Variants in TTLL9 observed in about 807,000 individuals in gnomAD.
The protein encoded by TTLL9 is probable tubulin polyglutamylase TTLL9.
In TTLL9, 47 loss-of-function variants were observed where a neutral mutation model predicts 65.6. That is an observed-to-expected ratio of 0.72 (90% CI 0.57 to 0.91). TTLL9 has a LOEUF of 0.91. TTLL9 is among the 40% of genes least tolerant of loss of function. The pLI, the probability that TTLL9 is intolerant of heterozygous loss-of-function variation, is 0.00. For missense variants in TTLL9, 537 were observed against 568.8 expected (o/e 0.94, Z 0.57); for synonymous variants, 179 against 204.8 (o/e 0.87, Z 1.07).
At chr20:31,890,205 T>TTCTTTC (rs1568754246) in intron 3 of TTLL9, among the ~76,000 whole-genome samples, 2 of 117,796 alleles carry the variant, frequency 1.7e-5, no homozygotes, top group African/African-American at 6.6e-5. Context: ...TTCTTTCTCT[T>TTCTTTC]TCTTTCATCA....
Position 31,943,323 on chromosome 20 carries a change from CAGG to C in TTLL9, c.*305_*307del. On this transcript the variant is annotated 3_prime_UTR_variant, in exon 15 of 15. Transcript: ENST00000535842. ...CAAATACAGCAAGTTCTGCTACCCC[CAGG>C]AGATCATATCTAATAAATGAGCACA... is the stretch of plus-strand genomic sequence containing the variant. The C allele has an allele frequency of 2.2e-6, 1 of 453,200 alleles. No homozygotes were observed. The allele number at this position is 453,200 out of a possible 1,614,324, so 28.1% of individuals were successfully genotyped here.
intron 4 of TTLL9, 87 bp downstream of exon 4, chr20:31,898,652 T>A: frequency 8.1e-7 from 1 of 1,228,146 alleles, no homozygotes; most frequent in Non-Finnish European, 1.2e-6. Flanking sequence ...TTCCCCTGGG[T>A]GGCCACTGGG....
intron 3 of TTLL9, among the ~76,000 whole-genome samples, chr20:31,891,198 G>T (rs142002102): frequency 6.0e-4 from 91 of 152,254 alleles, no homozygotes; most frequent in African/African-American, 1.8e-3. Context: ...TTCCATTGTT[G>T]CCAAAACTTG....
Position 31,934,687 on chromosome 20 carries a change from C to A in TTLL9, c.808-5C>A. The stretch of plus-strand genomic sequence containing the variant: ...CCTCTCTCGACCCGGCTGCCCGGGG[C>A]CCAGGGCTGCAAGTGGACGCTGCAG... On this transcript the variant is annotated splice_polypyrimidine_tract_variant and splice_region_variant and intron_variant, in intron 11 of 14. Transcript: ENST00000535842. 6.2e-7 allele frequency: 1 copy of A among 1,607,474 alleles called. No homozygotes were observed. Among genetic ancestry groups the A allele is most frequent in the Non-Finnish European group, 8.5e-7 (1 of 1,177,506 alleles).
intron 3 of TTLL9, among the ~76,000 whole-genome samples, chr20:31,889,395 G>T (rs1474281277): frequency 6.6e-6 from 1 of 151,796 alleles, no homozygotes. Context: ...TGAGTAGCTG[G>T]GACTACAGGC....
intron 9 of TTLL9, 164 bp from the exon 10 acceptor site, chr20:31,925,885 C>T (rs753288382): frequency 1.9e-5 from 30 of 1,551,754 alleles, no homozygotes; most frequent in Middle Eastern, 1.7e-4. Flanking sequence ...CATCCCGCTG[C>T]GGGCCTGGCT....
At chr20:31,886,541 T>G (rs2063190477) in intron 2 of TTLL9, among the ~76,000 whole-genome samples, 1 of 150,566 alleles carries the variant, frequency 6.6e-6, no homozygotes, top group African/African-American at 2.4e-5. Context: ...CCAGATCAGC[T>G]GGGTACGGTG....
At position 31,937,661 on chromosome 20, in the gene TTLL9, G is replaced by A. The variant is rs1006189407; in HGVS notation, c.1118+152G>A. 3 of 617,956 alleles carry A rather than the reference G, an allele frequency of 4.9e-6. No homozygotes were observed. In the African/African-American group the frequency reaches 5.6e-5, roughly 12 times the overall value. 38.3% of individuals were successfully genotyped at this position (617,956 alleles called of 1,614,324 possible). A position where few individuals can be genotyped will look rare whatever the true frequency, so the allele number is the denominator to read the frequency against. ...ACTTTATAGATGGAGAAGCTGAGAT[G>A]TCCACAGAGGGTGGGGTCCTGACCC... On this transcript the variant is annotated intron_variant, in intron 13 of 14. Transcript: ENST00000535842.
chr20:31,928,189 A>G (rs2123595818), intron 10 of TTLL9, among the ~76,000 whole-genome samples: 1 of 152,120 alleles, frequency 6.6e-6, no homozygotes, highest in African/African-American at 2.4e-5. Context: ...CATCATGGGG[A>G]CTTTTTAAAC....
Position 31,939,205 on chromosome 20 carries a change from CAG to C in TTLL9, c.1187_1188del (p.Glu396GlyfsTer5). The C allele has an allele frequency of 2.5e-6, 4 of 1,612,538 alleles. No individual in the cohort carries two copies. The highest frequency in any genetic ancestry group is 3.4e-6 in the Non-Finnish European group (4 of 1,179,324). ...TCATGTGGAATGATGGCCCTGTTAG[CAG>C]AGAGGAGGGGGCTCCTGACCTGTCG... is the stretch of plus-strand genomic sequence containing the variant. ...DLMWNDGPVS[R>X]EEGAPDLSGM... On this transcript the variant is annotated frameshift_variant, in exon 14 of 15. Transcript: ENST00000535842. LOFTEE classifies it high-confidence loss of function.
At chr20:31,879,469 C>T (rs1568731992) in intron 2 of TTLL9, 4 of 190,986 alleles carry the variant, frequency 2.1e-5, no homozygotes, top group Admixed American at 5.7e-5. Context: ...TACCGACTGA[C>T]CAACTGACCA....
At position 31,909,878 on chromosome 20, in the gene TTLL9, G is replaced by A; in HGVS notation, c.460G>A (p.Glu154Lys). Reference protein sequence around the residue: ...EMPCEYHLFVEEFRKNPGITW... With the variant: ...EMPCEYHLFVKEFRKNPGITW... ...GCCTTGCGAGTACCACCTGTTTGTA[G>A]AGGAGTTTCGCAAAAACCCAGGAAT... Residue 154 changes from glutamate to lysine, a missense_variant, in exon 6 of 15, where the codon GAG becomes AAG. This residue lies in a region of TTLL9 where 320 missense variants were observed against 311.0 expected (regional missense o/e 1.03). Coordinates refer to ENST00000535842, the MANE Select transcript of TTLL9 (RefSeq NM_001008409.5). 3 of 1,613,544 alleles carry A rather than the reference G, an allele frequency of 1.9e-6. No individual in the cohort carries two copies. Among genetic ancestry groups the A allele is most frequent in the South Asian group, 1.1e-5 (1 of 91,078 alleles).
chr20:31,899,352 A>G (rs1351394563), intron 4 of TTLL9, among the ~76,000 whole-genome samples: 1 of 152,252 alleles, frequency 6.6e-6, no homozygotes, highest in Non-Finnish European at 1.5e-5. Flanking sequence ...GGCATAGGCC[A>G]GGTGCAGTGG....
chr20:31,941,226 G>GAAAAAA (rs138767749), intron 14 of TTLL9: 219 of 107,416 alleles, frequency 2.0e-3, no homozygotes, highest in East Asian at 4.6e-3. Flanking sequence ...CACAGAAAAA[G>GAAAAAA]AAAAAAAAAA....
chr20:31,930,214 T>C (rs1057067829), intron 10 of TTLL9, among the ~76,000 whole-genome samples: 1 of 152,152 alleles, frequency 6.6e-6, no homozygotes, highest in African/African-American at 2.4e-5. Flanking sequence ...GGGACAATTG[T>C]TTTAAACAGC....
chr20:31,942,351 G>T (rs1314038829), intron 14 of TTLL9, among the ~76,000 whole-genome samples: 1 of 152,216 alleles, frequency 6.6e-6, no homozygotes, highest in Non-Finnish European at 1.5e-5. Flanking sequence ...GGCAGCCTCA[G>T]CACGAACTGC....
intron 10 of TTLL9, among the ~76,000 whole-genome samples, chr20:31,928,770 AT>A (rs1244983617): frequency 6.6e-6 from 1 of 152,220 alleles, no homozygotes; most frequent in African/African-American, 2.4e-5. Context: ...GAAAAACAAA[AT>A]GTAAGATGGA....
intron 2 of TTLL9, among the ~76,000 whole-genome samples, chr20:31,882,077 G>A (rs13038063): frequency 0.02 from 3,016 of 152,242 alleles, 56 homozygotes; most frequent in Non-Finnish European, 0.031. Context: ...GAGCAGGAAC[G>A]TTCATGTCAG....
Position 31,906,332 on chromosome 20 carries a change from C to T in TTLL9, c.207-2259C>T, listed in dbSNP as rs945282716. On this transcript the variant is annotated intron_variant, in intron 4 of 14. Transcript: ENST00000535842. Reference sequence around the variant, plus strand: ...GCATCTGACTCACACGTGTGGCAGTCGATGCTAGCTGTCTGTGGGGATCTC... The same window carrying T: ...GCATCTGACTCACACGTGTGGCAGTTGATGCTAGCTGTCTGTGGGGATCTC... Among the ~76,000 whole-genome samples, 8 of 152,260 alleles carry T rather than the reference C, an allele frequency of 5.3e-5. No homozygotes were observed. In the East Asian group the frequency reaches 7.7e-4, roughly 15 times the overall value.
Sources: allele counts gnomAD v4.1 joint callset (sites outside exome capture counted in the v4.1 genomes callset), GRCh38; gene constraint gnomAD v4.1.1; regional missense constraint gnomAD v4.1.1; transcripts MANE v1.5; gene names NCBI Gene and HGNC (gene_info 2026-07-23, HGNC 2026-07-21).